The following HMGCLL1 variants were observed in gnomAD, a reference collection of about 807,000 sequenced individuals.
HMGCLL1 encodes the protein 3-hydroxymethyl-3-methylglutaryl-CoA lyase, cytoplasmic.
In HMGCLL1, 36 loss-of-function variants were observed where a neutral mutation model predicts 39.1. The observed-to-expected ratio is 0.92, with a 90% confidence interval of 0.71 to 1.22. The LOEUF (loss-of-function observed/expected upper bound fraction) is 1.22, where lower values mean the gene tolerates loss of function less well. HMGCLL1 is among the 50% of genes most tolerant of loss of function. The pLI is 0.00. For missense variants in HMGCLL1, 451 were observed against 416.5 expected (o/e 1.08, Z -0.72); for synonymous variants, 149 against 144.0 (o/e 1.03, Z -0.25).
chr6:55,660,619 G>C, the HMGCLL1 span, among the ~76,000 whole-genome samples: 1 of 151,812 alleles, frequency 6.6e-6, no homozygotes. Flanking sequence ...ATCTTTCATT[G>C]ATGGACATTT....
At chr6:55,486,169 T>C (rs1247346461) in intron 7 of HMGCLL1, among the ~76,000 whole-genome samples, 1 of 150,780 alleles carries the variant, frequency 6.6e-6, no homozygotes, top group Non-Finnish European at 1.5e-5. Context: ...ATTTTACTAA[T>C]TTAACATGTT....
chr6:55,559,516 T>C lies in HMGCLL1; in HGVS notation c.109-17376A>G, dbSNP rs574167602. On this transcript the variant is annotated intron_variant, in intron 1 of 8. Transcript: ENST00000274901. Reference sequence around the variant, plus strand: ...GGTAGGAAGTGGATGTTTCCTCCTATGGTCTCTTTTCCCAGCAAAATGGAA... The same window carrying C: ...GGTAGGAAGTGGATGTTTCCTCCTACGGTCTCTTTTCCCAGCAAAATGGAA... 4.9e-4 allele frequency among the ~76,000 whole-genome samples: 74 copies of C among 152,288 alleles called. 1 individual carries two copies. Among genetic ancestry groups the C allele is most frequent in the African/African-American group, 1.8e-3 (73 of 41,584 alleles).
At chr6:55,651,327 C>A in the HMGCLL1 span, among the ~76,000 whole-genome samples, 1 of 152,064 alleles carries the variant, frequency 6.6e-6, no homozygotes, top group Admixed American at 6.6e-5. Context: ...GGGTTTCTTT[C>A]TTTAAGGCAG....
At chr6:55,591,426 G>T in the HMGCLL1 span, among the ~76,000 whole-genome samples, 1 of 151,832 alleles carries the variant, frequency 6.6e-6, no homozygotes, top group African/African-American at 2.4e-5. Flanking sequence ...ACTTCATCTT[G>T]ATAATCATGC....
At chr6:55,443,497 G>A (rs1372477567) in intron 7 of HMGCLL1, among the ~76,000 whole-genome samples, 1 of 152,054 alleles carries the variant, frequency 6.6e-6, no homozygotes, top group Non-Finnish European at 1.5e-5. Context: ...GTCTTAATTG[G>A]CCTTTTGGGA....
chr6:55,564,769 G>C (rs1771131780), intron 1 of HMGCLL1, among the ~76,000 whole-genome samples: 2 of 151,476 alleles, frequency 1.3e-5, no homozygotes, highest in Non-Finnish European at 2.9e-5. Flanking sequence ...ATCAGAAATA[G>C]CCTATAAAGC....
the HMGCLL1 span, among the ~76,000 whole-genome samples, chr6:55,609,822 A>C: frequency 2.5e-3 from 376 of 152,234 alleles, 3 homozygotes; most frequent in African/African-American, 8.7e-3. Flanking sequence ...CAGGGGAAGG[A>C]GGAAGCACCT....
chr6:55,505,978 C>G (rs1038535052), intron 5 of HMGCLL1, among the ~76,000 whole-genome samples: 2 of 151,652 alleles, frequency 1.3e-5, no homozygotes, highest in African/African-American at 4.8e-5. Flanking sequence ...TCCATTTCAC[C>G]AATGGAAAAC....
At chr6:55,556,240 T>C (rs114586397) in intron 1 of HMGCLL1, among the ~76,000 whole-genome samples, 4,742 of 152,184 alleles carry the variant, frequency 0.031, 102 homozygotes, top group Middle Eastern at 0.085. Context: ...ATAAGTGTTA[T>C]AAAAACAAAG....
chr6:55,509,721 G>A (rs62405363), intron 5 of HMGCLL1, among the ~76,000 whole-genome samples: 23,000 of 151,762 alleles, frequency 0.15, 2,191 homozygotes, highest in Non-Finnish European at 0.21. Flanking sequence ...AACACAGGAA[G>A]AATTTCCTAA....
At chr6:55,492,093 T>C (rs1766339914) in intron 7 of HMGCLL1, among the ~76,000 whole-genome samples, 1 of 152,164 alleles carries the variant, frequency 6.6e-6, no homozygotes, top group African/African-American at 2.4e-5. Context: ...CTTGCCTTAA[T>C]ATTAACTTCC....
At chr6:55,606,065 G>C in the HMGCLL1 span, among the ~76,000 whole-genome samples, 5 of 152,100 alleles carry the variant, frequency 3.3e-5, no homozygotes, top group African/African-American at 1.2e-4. Context: ...CCAGTACAAA[G>C]ATCATTCTCC....
At chr6:55,542,820 T>C (rs1397240502) in intron 1 of HMGCLL1, among the ~76,000 whole-genome samples, 8 of 140,150 alleles carry the variant, frequency 5.7e-5, no homozygotes, top group Non-Finnish European at 1.2e-4. Flanking sequence ...ATATTACATA[T>C]ATATGTAATA....
In HMGCLL1 at chr6:55,542,050, G is replaced by A. The variant is rs757284956; in HGVS notation, c.189+10C>T. The A allele has an allele frequency of 1.3e-6, 2 of 1,552,190 alleles. No individual in the cohort carries two copies. The highest frequency in any genetic ancestry group is 1.8e-6 in the Non-Finnish European group (2 of 1,126,582). ...GTAGACAGCATTTGAAGTAAATGAT[G>A]TAAAACTACCTTTTCATTCTGCAAT... is the stretch of plus-strand genomic sequence containing the variant. On this transcript the variant is annotated intron_variant, in intron 2 of 8. Coordinates refer to ENST00000274901, the MANE Select transcript of HMGCLL1 (RefSeq NM_001042406.2).
intron 3 of HMGCLL1, among the ~76,000 whole-genome samples, chr6:55,534,946 G>T (rs9357866): frequency 0.075 from 11,360 of 152,230 alleles, 511 homozygotes; most frequent in East Asian, 0.19. Context: ...ACGTTAGACC[G>T]ATTGAAGCAA....
At chr6:55,543,329 A>G in intron 1 of HMGCLL1, among the ~76,000 whole-genome samples, 1 of 29,530 alleles carries the variant, frequency 3.4e-5, no homozygotes, top group South Asian at 8.5e-4. Context: ...AATATATATT[A>G]TATATCATAT....
At chr6:55,640,334 A>G in the HMGCLL1 span, among the ~76,000 whole-genome samples, 1 of 152,164 alleles carries the variant, frequency 6.6e-6, no homozygotes, top group Non-Finnish European at 1.5e-5. Context: ...ATTGAAAATT[A>G]TGCCCAAAAC....
the HMGCLL1 span, among the ~76,000 whole-genome samples, chr6:55,628,278 A>G: frequency 1.5e-5 from 2 of 130,388 alleles, no homozygotes; most frequent in African/African-American, 2.9e-5. Context: ...TCAGCACTTT[A>G]TTGTTCTTAT....
At chr6:55,607,905 G>C in the HMGCLL1 span, among the ~76,000 whole-genome samples, 1 of 152,126 alleles carries the variant, frequency 6.6e-6, no homozygotes, top group African/African-American at 2.4e-5. Flanking sequence ...CAGTTGCTCA[G>C]ATGACACATC....
Sources: gnomAD v4.1 joint callset for allele counts (sites outside exome capture counted in the v4.1 genomes callset) on GRCh38, gnomAD v4.1.1 for gene constraint, MANE v1.5 for transcripts, NCBI Gene and HGNC (gene_info 2026-07-23, HGNC 2026-07-21) for gene names.